Variants in MAPK6 observed in about 807,000 individuals in gnomAD.
The protein encoded by MAPK6 is ERK-3.
In MAPK6, 19 loss-of-function variants were observed where a neutral mutation model predicts 59.3. That is an observed-to-expected ratio of 0.32 (90% CI 0.22 to 0.47). MAPK6 has a LOEUF of 0.47. Ranked by LOEUF, MAPK6 falls within the 20% of genes least tolerant of loss-of-function variation. The pLI is 1.00. For synonymous variants in MAPK6, 316 were observed against 290.3 expected, an observed-to-expected ratio of 1.09 and a Z score of -0.90; for missense variants, 724 against 847.9, an observed-to-expected ratio of 0.85 and a Z score of 1.81.
chr15:52,027,155 C>T (rs1415540937), intron 1 of MAPK6, among the ~76,000 whole-genome samples: 3 of 151,732 alleles, frequency 2.0e-5, no homozygotes, highest in Non-Finnish European at 4.4e-5. Flanking sequence ...AGTTCAAGAC[C>T]AGCCTGGCCA....
chr15:51,984,347 T>G (rs141617006), intron 2 of MAPK6, among the ~76,000 whole-genome samples: 2,743 of 151,550 alleles, frequency 0.018, 31 homozygotes, highest in African/African-American at 0.038. Context: ...AGTGACACAA[T>G]CTCGGCTCAC....
upstream of MAPK6, among the ~76,000 whole-genome samples, chr15:52,014,310 T>C (rs2030172045): frequency 6.6e-6 from 1 of 152,208 alleles, no homozygotes; most frequent in African/African-American, 2.4e-5. Flanking sequence ...CTCACAACAA[T>C]AATTAGCAAT....
At chr15:52,031,272 A>G (rs1316627011) in intron 1 of MAPK6, among the ~76,000 whole-genome samples, 1 of 152,136 alleles carries the variant, frequency 6.6e-6, no homozygotes, top group East Asian at 1.9e-4. Context: ...ACTCTACTCA[A>G]AAGGTTGGGG....
At chr15:52,038,901 A>G (rs1455234616) in intron 1 of MAPK6, among the ~76,000 whole-genome samples, 1 of 152,252 alleles carries the variant, frequency 6.6e-6, no homozygotes, top group African/African-American at 2.4e-5. Flanking sequence ...GAATAAAACT[A>G]AAGAAATATA....
chr15:51,971,834 A>C lies in MAPK6; in HGVS notation c.-952A>C, dbSNP rs184241461. The C allele has an allele frequency of 1.1e-3, 1,506 of 1,395,468 alleles. 2 individuals are homozygous for C. The highest frequency in any genetic ancestry group is 1.3e-3 in the Non-Finnish European group (1,280 of 983,890). 86.4% of individuals were successfully genotyped at this position (1,395,468 alleles called of 1,614,324 possible). On this transcript the variant is annotated 5_prime_UTR_variant, in exon 1 of 8. Coordinates refer to the MAPK6 transcript ENST00000691380. ...ACCACTGAAACACGACAGTGTCGCA[A>C]AGATTCGCCGAAGACACTCCTTTCC...
chr15:51,982,280 G>A (rs1159804698), intron 1 of MAPK6, among the ~76,000 whole-genome samples: 1 of 152,182 alleles, frequency 6.6e-6, no homozygotes, highest in Non-Finnish European at 1.5e-5. Flanking sequence ...TCTCGTCGGC[G>A]GGTGGGGACT....
At chr15:52,048,058 C>A (rs1595998510) in intron 2 of MAPK6, among the ~76,000 whole-genome samples, 1 of 152,124 alleles carries the variant, frequency 6.6e-6, no homozygotes, top group African/African-American at 2.4e-5. Context: ...TTGTAAAGAA[C>A]CCCTGGGAGC....
chr15:52,041,661 GTAGT>G (rs2031421698), intron 1 of MAPK6, among the ~76,000 whole-genome samples: 1 of 152,194 alleles, frequency 6.6e-6, no homozygotes, highest in Non-Finnish European at 1.5e-5. Context: ...AAAGTTGGAG[GTAGT>G]TAGAGAGATC....
intron 3 of MAPK6, among the ~76,000 whole-genome samples, chr15:52,013,802 T>C (rs2030158559): frequency 6.6e-6 from 1 of 152,200 alleles, no homozygotes; most frequent in Admixed American, 6.5e-5. Context: ...GAAAAAACAA[T>C]AGATTCTTCT....
intron 1 of MAPK6, among the ~76,000 whole-genome samples, chr15:51,981,342 G>A (rs866621644): frequency 1.2e-4 from 18 of 151,964 alleles, no homozygotes; most frequent in African/African-American, 3.4e-4. Context: ...GTGTGGTGGC[G>A]GGCGCCTGTA....
intron 2 of MAPK6, among the ~76,000 whole-genome samples, chr15:51,997,371 A>C (rs930244691): frequency 6.6e-6 from 1 of 150,758 alleles, no homozygotes; most frequent in African/African-American, 2.5e-5. Flanking sequence ...TCCCGGGTTC[A>C]AATGATTCTC....
chr15:52,055,059 C>T (rs1738038867), intron 3 of MAPK6, among the ~76,000 whole-genome samples: 1 of 152,156 alleles, frequency 6.6e-6, no homozygotes, highest in Admixed American at 6.5e-5. Flanking sequence ...GGATTACAGG[C>T]AAGAGCCACC....
At chr15:52,057,032 A>AGTC (rs2032011363) in intron 3 of MAPK6, 1 of 152,042 alleles carries the variant, frequency 6.6e-6, no homozygotes, top group African/African-American at 2.4e-5. Context: ...TCCATTTTTC[A>AGTC]GTTGCTTAGA....
At chr15:52,052,769 C>A (rs990060878) in intron 3 of MAPK6, among the ~76,000 whole-genome samples, 1 of 152,164 alleles carries the variant, frequency 6.6e-6, no homozygotes, top group African/African-American at 2.4e-5. Flanking sequence ...TATGGATATA[C>A]CACATGCTGT....
intron 4 of MAPK6, among the ~76,000 whole-genome samples, chr15:52,059,229 G>T (rs1008243709): frequency 6.6e-6 from 1 of 152,146 alleles, no homozygotes; most frequent in African/African-American, 2.4e-5. Context: ...TCCCTTGCTC[G>T]TAACCCTGTA....
intron 1 of MAPK6, among the ~76,000 whole-genome samples, chr15:52,042,600 A>G (rs1274803560): frequency 6.6e-6 from 1 of 152,176 alleles, no homozygotes; most frequent in East Asian, 1.9e-4. Context: ...TGGCTTTCCT[A>G]ATCTGGCTAC....
upstream of MAPK6, chr15:52,017,865 C>T (rs1428212244): frequency 6.6e-6 from 1 of 152,200 alleles, no homozygotes; most frequent in African/African-American, 2.4e-5. Flanking sequence ...AAGGTACGAG[C>T]TCTCGTTGCA....
At chr15:51,976,589 TTAAAA>T (rs1227801533) in intron 1 of MAPK6, among the ~76,000 whole-genome samples, 1 of 151,744 alleles carries the variant, frequency 6.6e-6, no homozygotes, top group Non-Finnish European at 1.5e-5. Context: ...GAATCTGGAA[TTAAAA>T]TGTTGTCAGA....
chr15:51,999,070 A>T (rs904256303), intron 2 of MAPK6, among the ~76,000 whole-genome samples: 9 of 149,472 alleles, frequency 6.0e-5, no homozygotes, highest in Admixed American at 5.4e-4. Flanking sequence ...ACCTCGGCTC[A>T]CTGCCGCCTC....
Sources: gnomAD v4.1 joint callset for allele counts (sites outside exome capture counted in the v4.1 genomes callset) on GRCh38, gnomAD v4.1.1 for gene constraint, MANE v1.5 for transcripts, NCBI Gene and HGNC (gene_info 2026-07-23, HGNC 2026-07-21) for gene names.